Variants in MTUS2 observed in about 807,000 individuals in gnomAD.
The protein encoded by MTUS2 is microtubule-associated tumor suppressor candidate 2.
A neutral mutation model predicts 114.1 loss-of-function variants in MTUS2; 40 were observed. The ratio of observed to expected loss-of-function variants is 0.35; its 90% CI spans 0.27 to 0.46. The LOEUF (loss-of-function observed/expected upper bound fraction) is 0.46, where lower values mean the gene tolerates loss of function less well. Ranked by LOEUF, MTUS2 falls within the 20% of genes least tolerant of loss-of-function variation. The pLI is 1.00. For missense variants in MTUS2, 1,679 were observed against 1,705.4 expected, an observed-to-expected ratio of 0.98 and a Z score of 0.27; for synonymous variants, 688 against 672.0, an observed-to-expected ratio of 1.02 and a Z score of -0.37.
chr13:29,267,779 G>C (rs35851454), intron 5 of MTUS2, among the ~76,000 whole-genome samples: 2,167 of 152,226 alleles, frequency 0.014, 22 homozygotes, highest in East Asian at 0.073. Context: ...CCAGCAGGGA[G>C]GCCTGCATCC....
chr13:28,824,647 T>G (rs988503353), intron 1 of MTUS2, among the ~76,000 whole-genome samples: 1 of 151,986 alleles, frequency 6.6e-6, no homozygotes, highest in Non-Finnish European at 1.5e-5. Flanking sequence ...CTGTCTTTAC[T>G]GCCTTTAACC....
intron 8 of MTUS2, among the ~76,000 whole-genome samples, chr13:29,419,145 T>C (rs1185503632): frequency 6.6e-6 from 1 of 152,146 alleles, no homozygotes; most frequent in East Asian, 1.9e-4. Flanking sequence ...ATTAGAAAAA[T>C]CCAGTAGTTC....
At position 29,369,094 on chromosome 13, in the gene MTUS2, C is replaced by A. The variant is rs568497182; in HGVS notation, c.3117+9621C>A. 5.9e-5 allele frequency among the ~76,000 whole-genome samples: 9 copies of A among 151,378 alleles called. No individual in the cohort carries two copies. In the South Asian group the frequency reaches 1.7e-3, roughly 28 times the overall value. On this transcript the variant is annotated intron_variant, in intron 8 of 15. Transcript: ENST00000612955. Reference sequence around the variant, plus strand: ...AACCAGACAGCAGAAGAAAAGGTTACAGATACCAGGTACCAGGCAGCGGGA... The same window carrying A: ...AACCAGACAGCAGAAGAAAAGGTTAAAGATACCAGGTACCAGGCAGCGGGA...
At chr13:29,454,964 C>A (rs531478805) in intron 9 of MTUS2, among the ~76,000 whole-genome samples, 1 of 152,174 alleles carries the variant, frequency 6.6e-6, no homozygotes, top group Non-Finnish European at 1.5e-5. Flanking sequence ...AAACATGAGG[C>A]AACTGTTTCT....
At chr13:29,064,113 A>T (rs1325309580) in intron 4 of MTUS2, among the ~76,000 whole-genome samples, 5 of 152,176 alleles carry the variant, frequency 3.3e-5, no homozygotes, top group Admixed American at 3.3e-4. Flanking sequence ...AGGGGGAAGA[A>T]TGTTAGCGGG....
At chr13:29,056,296 A>G (rs1888130409) in intron 4 of MTUS2, among the ~76,000 whole-genome samples, 1 of 152,054 alleles carries the variant, frequency 6.6e-6, no homozygotes, top group African/African-American at 2.4e-5. Flanking sequence ...CATCTTCTGC[A>G]TATGATTAGC....
intron 5 of MTUS2, among the ~76,000 whole-genome samples, chr13:29,151,349 T>C (rs1461068672): frequency 2.6e-5 from 4 of 152,232 alleles, no homozygotes; most frequent in African/African-American, 7.2e-5. Context: ...TCAAATGTTA[T>C]TGATATATAA....
chr13:29,333,979 A>G (rs1900925932), intron 7 of MTUS2, among the ~76,000 whole-genome samples: 1 of 152,076 alleles, frequency 6.6e-6, no homozygotes, highest in African/African-American at 2.4e-5. Flanking sequence ...GTTGGTTTAA[A>G]GTCTGTTTTA....
At chr13:28,869,377 G>C (rs770279624) in intron 2 of MTUS2, among the ~76,000 whole-genome samples, 1 of 152,160 alleles carries the variant, frequency 6.6e-6, no homozygotes, top group Non-Finnish European at 1.5e-5. Context: ...GTTATTTAAA[G>C]TAATTCTACA....
At chr13:29,369,479 G>A (rs887442901) in intron 8 of MTUS2, among the ~76,000 whole-genome samples, 1 of 152,176 alleles carries the variant, frequency 6.6e-6, no homozygotes, top group Non-Finnish European at 1.5e-5. Flanking sequence ...TGATTGAAAC[G>A]AGGTTTGAAA....
chr13:28,822,382 T>C (rs1030494856), intron 1 of MTUS2, among the ~76,000 whole-genome samples: 1 of 152,234 alleles, frequency 6.6e-6, no homozygotes, highest in Non-Finnish European at 1.5e-5. Context: ...GCATACGCAC[T>C]TTTATAATGA....
intron 2 of MTUS2, among the ~76,000 whole-genome samples, chr13:29,023,910 C>T (rs959881457): frequency 1.3e-5 from 2 of 152,114 alleles, no homozygotes; most frequent in Non-Finnish European, 2.9e-5. Context: ...AATTTGATCA[C>T]GTGGTTAATG....
At chr13:29,090,086 G>A (rs1242460900) in intron 4 of MTUS2, among the ~76,000 whole-genome samples, 1 of 152,114 alleles carries the variant, frequency 6.6e-6, no homozygotes, top group African/African-American at 2.4e-5. Context: ...CTTTAAAGTT[G>A]CTGTTTTTTG....
At chr13:29,215,143 T>G (rs1895624608) in intron 5 of MTUS2, among the ~76,000 whole-genome samples, 1 of 151,846 alleles carries the variant, frequency 6.6e-6, no homozygotes, top group Admixed American at 6.6e-5. Flanking sequence ...TTCTTCTGCT[T>G]GATGGATTTG....
chr13:29,012,326 C>T (rs903132624), intron 2 of MTUS2, among the ~76,000 whole-genome samples: 2 of 152,064 alleles, frequency 1.3e-5, no homozygotes, highest in East Asian at 3.9e-4. Flanking sequence ...AATCAGCTGC[C>T]CTCCCTGGAA....
At chr13:28,824,954 T>A (rs77214347) in intron 1 of MTUS2, among the ~76,000 whole-genome samples, 5,015 of 152,268 alleles carry the variant, frequency 0.033, 224 homozygotes, top group African/African-American at 0.098. Flanking sequence ...AAGGAGATGT[T>A]GAGCAGAGCC....
intron 4 of MTUS2, among the ~76,000 whole-genome samples, chr13:29,059,228 A>ATTTTTTT (rs35369352): frequency 1.0e-5 from 1 of 97,128 alleles, no homozygotes; most frequent in Non-Finnish European, 1.9e-5. Context: ...TATTCTTTGG[A>ATTTTTTT]TTTTTTTTTT....
At chr13:29,369,304 G>T (rs1035833839) in intron 8 of MTUS2, among the ~76,000 whole-genome samples, 1 of 152,126 alleles carries the variant, frequency 6.6e-6, no homozygotes, top group Admixed American at 6.6e-5. Flanking sequence ...AGTGGCAATG[G>T]CACCATCTAC....
intron 2 of MTUS2, among the ~76,000 whole-genome samples, chr13:28,870,275 A>C (rs913269073): frequency 1.3e-5 from 2 of 152,230 alleles, no homozygotes; most frequent in African/African-American, 4.8e-5. Flanking sequence ...AATACCTTAG[A>C]TCTTAAGAAG....
Sources: allele counts gnomAD v4.1 joint callset (sites outside exome capture counted in the v4.1 genomes callset), GRCh38; gene constraint gnomAD v4.1.1; transcripts MANE v1.5; gene names NCBI Gene and HGNC (gene_info 2026-07-23, HGNC 2026-07-21).